ZNF385D: variants seen among roughly 807,000 people sequenced by gnomAD.
ZNF385D encodes zinc finger protein 385D, also known as zinc finger protein 659.
ZNF385D carries 15 observed loss-of-function variants against 35.8 expected under a neutral mutation model. The observed-to-expected ratio is 0.42, with a 90% CI of 0.28 to 0.64. The LOEUF is 0.64. Ranked by LOEUF, ZNF385D falls within the 30% of genes least tolerant of loss-of-function variation. The pLI is 0.23. For missense variants in ZNF385D, 474 were observed against 494.6 expected, an observed-to-expected ratio of 0.96 and a Z score of 0.39; for synonymous variants, 212 against 186.8, an observed-to-expected ratio of 1.13 and a Z score of -1.10.
intron 2 of ZNF385D, among the ~76,000 whole-genome samples, chr3:22,343,966 TTCTC>T (rs535725117): frequency 3.1e-4 from 47 of 152,244 alleles, no homozygotes; most frequent in African/African-American, 9.4e-4. Flanking sequence ...CTATTTTGAC[TTCTC>T]TCTTATTGTC....
intron 4 of ZNF385D, among the ~76,000 whole-genome samples, chr3:21,440,521 T>G (rs1392107235): frequency 6.6e-6 from 1 of 152,060 alleles, no homozygotes. Context: ...GGATCCTGAA[T>G]GAGATTCTAG....
chr3:22,315,258 G>A (rs1001876109), intron 2 of ZNF385D, among the ~76,000 whole-genome samples: 1 of 152,182 alleles, frequency 6.6e-6, no homozygotes, highest in Non-Finnish European at 1.5e-5. Context: ...GTCAGACTAG[G>A]TGAATGCAAG....
rs187884041 is a variant in ZNF385D at position 22,132,125 on chromosome 3, G to A, written c.325+36692C>T. On this transcript the variant is annotated intron_variant, in intron 3 of 5. Transcript: ENST00000494108. ...GTGGTGCTATGGTCTGAATATTAGT[G>A]TCCATGTCATATTCATTTGTTGAAA... Among the ~76,000 whole-genome samples, 331 of 152,236 alleles carry A rather than the reference G, an allele frequency of 2.2e-3. 3 individuals are homozygous for A. The highest frequency in any genetic ancestry group is 7.7e-3 in the African/African-American group (318 of 41,560).
chr3:22,320,083 T>C (rs1694340934), intron 2 of ZNF385D, among the ~76,000 whole-genome samples: 1 of 151,290 alleles, frequency 6.6e-6, no homozygotes, highest in Admixed American at 6.6e-5. Flanking sequence ...AAGGAGTACA[T>C]AGGTGCTTCA....
chr3:21,613,698 G>A (rs935280698), intron 2 of ZNF385D, among the ~76,000 whole-genome samples: 1 of 152,148 alleles, frequency 6.6e-6, no homozygotes. Context: ...TATTAGTCTA[G>A]GACAGAGTGA....
intron 2 of ZNF385D, among the ~76,000 whole-genome samples, chr3:22,187,741 A>T (rs1695733075): frequency 6.6e-6 from 1 of 152,166 alleles, no homozygotes; most frequent in Non-Finnish European, 1.5e-5. Flanking sequence ...GTAAAATAGC[A>T]AAGGAGGCTC....
At chr3:21,480,813 A>ATTTAAATT (rs1704576709) in intron 4 of ZNF385D, among the ~76,000 whole-genome samples, 1 of 152,208 alleles carries the variant, frequency 6.6e-6, no homozygotes, top group Non-Finnish European at 1.5e-5. Flanking sequence ...AATCTGTCCT[A>ATTTAAATT]TAATTCAAAT....
intron 3 of ZNF385D, among the ~76,000 whole-genome samples, chr3:21,827,272 G>C (rs961920633): frequency 6.6e-6 from 1 of 152,026 alleles, no homozygotes; most frequent in Non-Finnish European, 1.5e-5. Flanking sequence ...AGCTTCCCTG[G>C]ATATTGTTTA....
intron 2 of ZNF385D, among the ~76,000 whole-genome samples, chr3:22,321,472 T>A (rs1046227290): frequency 9.2e-5 from 14 of 152,042 alleles, no homozygotes; most frequent in African/African-American, 2.9e-4. Context: ...TTCAAGCGAT[T>A]CTCCTGTCTC....
intron 3 of ZNF385D, among the ~76,000 whole-genome samples, chr3:22,081,779 C>A (rs1351105029): frequency 6.6e-6 from 1 of 152,164 alleles, no homozygotes; most frequent in African/African-American, 2.4e-5. Flanking sequence ...TATTGATTCT[C>A]TGGTCATTTT....
chr3:22,308,694 G>A (rs926869901), intron 2 of ZNF385D, among the ~76,000 whole-genome samples: 11 of 152,040 alleles, frequency 7.2e-5, no homozygotes, highest in African/African-American at 1.4e-4. Context: ...GGGAACTCAT[G>A]CCAGACTCAG....
intron 4 of ZNF385D, among the ~76,000 whole-genome samples, chr3:21,440,459 A>G (rs1044840199): frequency 1.3e-5 from 2 of 152,134 alleles, no homozygotes; most frequent in Non-Finnish European, 2.9e-5. Flanking sequence ...AGTGTGCAGA[A>G]CTATCACAGT....
chr3:21,424,104 A>G (rs755438594), intron 6 of ZNF385D, 40 bp from the exon 7 acceptor site: 11 of 1,519,372 alleles, frequency 7.2e-6, no homozygotes, highest in Middle Eastern at 1.7e-4. Context: ...TAAAAAAATC[A>G]TCTGCAAAAA....
At chr3:21,748,740 C>T (rs185571383) in intron 1 of ZNF385D, among the ~76,000 whole-genome samples, 22 of 152,294 alleles carry the variant, frequency 1.4e-4, no homozygotes, top group African/African-American at 4.8e-4. Context: ...TACCTGAAAT[C>T]GCTACAATTT....
At chr3:21,505,723 T>TGTAA (rs1227293158) in intron 4 of ZNF385D, among the ~76,000 whole-genome samples, 2 of 152,128 alleles carry the variant, frequency 1.3e-5, no homozygotes, top group African/African-American at 4.8e-5. Context: ...AGGCTGCATA[T>TGTAA]GTAAGTGCCT....
chr3:22,048,807 T>G (rs1443103224), intron 3 of ZNF385D, among the ~76,000 whole-genome samples: 1 of 152,182 alleles, frequency 6.6e-6, no homozygotes, highest in Non-Finnish European at 1.5e-5. Flanking sequence ...TTGATAGTGA[T>G]TGCATGGAAT....
chr3:21,879,003 C>A (rs1559716467), intron 3 of ZNF385D, among the ~76,000 whole-genome samples: 1 of 151,990 alleles, frequency 6.6e-6, no homozygotes, highest in Non-Finnish European at 1.5e-5. Context: ...TTGCTGCCAA[C>A]AGTAGTTCTC....
At chr3:22,025,103 G>A (rs1394670837) in intron 3 of ZNF385D, among the ~76,000 whole-genome samples, 2 of 152,152 alleles carry the variant, frequency 1.3e-5, no homozygotes, top group African/African-American at 4.8e-5. Context: ...CCCTGATGAA[G>A]CTGGGGACAC....
intron 2 of ZNF385D, among the ~76,000 whole-genome samples, chr3:21,652,548 T>C (rs1303316208): frequency 1.3e-5 from 2 of 152,106 alleles, no homozygotes; most frequent in Admixed American, 6.6e-5. Flanking sequence ...TATGTATACA[T>C]GTGCCATGTT....
Sources: allele counts gnomAD v4.1 joint callset (sites outside exome capture counted in the v4.1 genomes callset), GRCh38; gene constraint gnomAD v4.1.1; transcripts MANE v1.5; gene names NCBI Gene and HGNC (gene_info 2026-07-23, HGNC 2026-07-21).